RBFOX1: variants seen among roughly 807,000 people sequenced by gnomAD.
RBFOX1 encodes RNA binding fox-1 homolog 1, also known as RNA binding protein fox-1 homolog 1.
RBFOX1 carries 8 observed loss-of-function variants against 57.7 expected under a neutral mutation model. That is an observed-to-expected ratio of 0.14 (90% CI 0.08 to 0.25). RBFOX1 has a LOEUF of 0.25. Ranked by LOEUF, RBFOX1 falls within the 10% of genes least tolerant of loss-of-function variation. The probability of loss-of-function intolerance (pLI) is 1.00; values close to 1 mark genes in which losing one functional copy is unlikely to be tolerated. For missense variants in RBFOX1, 611 were observed against 548.5 expected, an observed-to-expected ratio of 1.11 and a Z score of -1.14; for synonymous variants, 326 against 222.4, an observed-to-expected ratio of 1.47 and a Z score of -4.15.
intron 4 of RBFOX1, among the ~76,000 whole-genome samples, chr16:7,344,344 G>T (rs866577482): frequency 2.8e-4 from 42 of 149,642 alleles, no homozygotes; most frequent in African/African-American, 9.5e-4. Context: ...ATTGTTACAT[G>T]ATTATTTTAT....
At chr16:7,504,213 C>T (rs776239280) in intron 4 of RBFOX1, among the ~76,000 whole-genome samples, 2 of 151,976 alleles carry the variant, frequency 1.3e-5, no homozygotes, top group African/African-American at 2.4e-5. Flanking sequence ...AAGATAAAGT[C>T]GGTGCCCGTA....
At chr16:6,814,544 G>A (rs775236355) in intron 3 of RBFOX1, among the ~76,000 whole-genome samples, 16 of 152,178 alleles carry the variant, frequency 1.1e-4, no homozygotes, top group Non-Finnish European at 1.9e-4. Flanking sequence ...CTTAGTATGT[G>A]CTGTGAAGGG....
chr16:7,019,461 A>G (rs1224832755), intron 3 of RBFOX1, among the ~76,000 whole-genome samples: 2 of 152,040 alleles, frequency 1.3e-5, no homozygotes, highest in Non-Finnish European at 2.9e-5. Flanking sequence ...TTGCTAAGAG[A>G]TTTTGTACTT....
chr16:7,614,100 G>A (rs4787048), intron 10 of RBFOX1: 97,697 of 151,980 alleles, frequency 0.64, 32,100 homozygotes, highest in East Asian at 0.85. Context: ...GACTAGACTC[G>A]AATCAATGGC....
intron 1 of RBFOX1, among the ~76,000 whole-genome samples, chr16:5,300,151 C>G (rs1038150695): frequency 6.6e-6 from 1 of 151,680 alleles, no homozygotes; most frequent in African/African-American, 2.4e-5. Context: ...TGAGATAAAT[C>G]TCATTTGGTC....
At chr16:5,578,725 G>A (rs2046553809) in intron 2 of RBFOX1, among the ~76,000 whole-genome samples, 1 of 151,924 alleles carries the variant, frequency 6.6e-6, no homozygotes, top group African/African-American at 2.4e-5. Context: ...TATCAGTAAT[G>A]AACCATGGAG....
intron 3 of RBFOX1, among the ~76,000 whole-genome samples, chr16:6,929,548 C>G (rs2076169943): frequency 6.6e-6 from 1 of 152,044 alleles, no homozygotes; most frequent in African/African-American, 2.4e-5. Context: ...CCAGTTATGA[C>G]TGTAGCTGTG....
intron 5 of RBFOX1, among the ~76,000 whole-genome samples, chr16:7,576,767 C>A (rs567537635): frequency 6.6e-6 from 1 of 152,316 alleles, no homozygotes; most frequent in East Asian, 1.9e-4. Context: ...ACTGAAACAT[C>A]CAGCAGTTAT....
intron 2 of RBFOX1, among the ~76,000 whole-genome samples, chr16:6,546,040 A>C (rs568061612): frequency 2.6e-5 from 4 of 152,342 alleles, no homozygotes; most frequent in Non-Finnish European, 4.4e-5. Context: ...CACAAACACT[A>C]ACAATAGCTG....
At chr16:7,694,188 C>T (rs759556557) in intron 14 of RBFOX1, among the ~76,000 whole-genome samples, 15 of 152,150 alleles carry the variant, frequency 9.9e-5, no homozygotes, top group Non-Finnish European at 1.9e-4. Context: ...GAAGTCTTGC[C>T]AATGTGTTGC....
chr16:7,082,505 C>G (rs1019886329), intron 4 of RBFOX1, among the ~76,000 whole-genome samples: 1 of 151,166 alleles, frequency 6.6e-6, no homozygotes, highest in Non-Finnish European at 1.5e-5. Flanking sequence ...TCGCTTGAGC[C>G]TGGGAGGTGG....
At chr16:7,488,746 A>G (rs912696017) in intron 4 of RBFOX1, among the ~76,000 whole-genome samples, 5 of 151,820 alleles carry the variant, frequency 3.3e-5, no homozygotes, top group African/African-American at 7.3e-5. Context: ...CCTATCTACT[A>G]TCTACCTATC....
At chr16:5,976,253 A>G (rs183372286) in intron 4 of RBFOX1, among the ~76,000 whole-genome samples, 184 of 152,350 alleles carry the variant, frequency 1.2e-3, no homozygotes, top group African/African-American at 4.3e-3. Context: ...CAAGTAGCAT[A>G]CAAGAAAACA....
At chr16:5,858,761 G>A (rs1010329041) in intron 3 of RBFOX1, among the ~76,000 whole-genome samples, 5 of 152,214 alleles carry the variant, frequency 3.3e-5, no homozygotes, top group Admixed American at 6.5e-5. Flanking sequence ...GATGGGAAGG[G>A]AGGTAGGGAG....
chr16:6,618,801 C>T (rs989278712), intron 2 of RBFOX1, among the ~76,000 whole-genome samples: 1 of 152,170 alleles, frequency 6.6e-6, no homozygotes, highest in African/African-American at 2.4e-5. Context: ...TGGAGTCCGT[C>T]TGCGTGCCTG....
At chr16:5,321,325 TG>T (rs200365454) in intron 1 of RBFOX1, among the ~76,000 whole-genome samples, 106,062 of 145,422 alleles carry the variant, frequency 0.73, 40,625 homozygotes, top group Non-Finnish European at 0.86. Context: ...AGATAACTTT[TG>T]TTTTTTTTTT....
intron 14 of RBFOX1, among the ~76,000 whole-genome samples, chr16:7,691,077 G>A (rs1456543480): frequency 6.6e-6 from 1 of 152,070 alleles, no homozygotes; most frequent in African/African-American, 2.4e-5. Flanking sequence ...ACACCTTATG[G>A]TGACCTTTCT....
chr16:5,812,427 A>C (rs926417924), intron 3 of RBFOX1, among the ~76,000 whole-genome samples: 2 of 150,908 alleles, frequency 1.3e-5, no homozygotes, highest in African/African-American at 4.9e-5. Flanking sequence ...TACTTCTCAC[A>C]TACACTCACC....
intron 3 of RBFOX1, among the ~76,000 whole-genome samples, chr16:5,696,384 A>T (rs956248960): frequency 6.6e-6 from 1 of 152,224 alleles, no homozygotes; most frequent in Non-Finnish European, 1.5e-5. Flanking sequence ...CTGTATGATT[A>T]CAGCAGAATT....
Sources: allele counts gnomAD v4.1 joint callset (sites outside exome capture counted in the v4.1 genomes callset), GRCh38; gene constraint gnomAD v4.1.1; transcripts MANE v1.5; gene names NCBI Gene and HGNC (gene_info 2026-07-23, HGNC 2026-07-21).